The following PPP2R5C variants were observed in gnomAD, a reference collection of about 807,000 sequenced individuals.
PPP2R5C encodes serine/threonine-protein phosphatase 2A 56 kDa regulatory subunit gamma isoform.
A neutral mutation model predicts 68.9 loss-of-function variants in PPP2R5C; 7 were observed. That is an observed-to-expected ratio of 0.10 (90% CI 0.06 to 0.19). The LOEUF (loss-of-function observed/expected upper bound fraction) is 0.19. Ranked by LOEUF, PPP2R5C falls within the 10% of genes least tolerant of loss-of-function variation. PPP2R5C has a pLI of 1.00. For synonymous variants in PPP2R5C, 210 were observed against 222.2 expected (o/e 0.95, Z 0.49); for missense variants, 348 against 641.3 (o/e 0.54, Z 4.94).
At chr14:101,849,748 G>A (rs1395989380) in intron 1 of PPP2R5C, among the ~76,000 whole-genome samples, 2 of 101,184 alleles carry the variant, frequency 2.0e-5, no homozygotes, top group Non-Finnish European at 4.5e-5. Flanking sequence ...TTGTCCCTGT[G>A]TACCTAGTTG....
chr14:101,765,153 G>C (rs1055548423), intron 2 of PPP2R5C: 1 of 702,566 alleles, frequency 1.4e-6, no homozygotes, highest in Non-Finnish European at 2.6e-6. Flanking sequence ...ATTTTTTCTA[G>C]TGCTACTGTC....
At position 101,783,733 on chromosome 14, in the gene PPP2R5C, G is replaced by C. The variant is rs148952911; in HGVS notation, c.94-2285G>C. ...CCAGCGGGGGTCAGAAGCCACGGGG[G>C]AGCCCTGTCATTGGCCTCTACCCAA... is the stretch of plus-strand genomic sequence containing the variant. On this transcript the variant is annotated intron_variant, in intron 2 of 14. Coordinates refer to the PPP2R5C transcript ENST00000328724. Among the ~76,000 whole-genome samples, 186 of 152,304 alleles carry C rather than the reference G, an allele frequency of 1.2e-3. 1 individual carries two copies. Among genetic ancestry groups the C allele is most frequent in the Non-Finnish European group, 2.1e-3 (144 of 68,022 alleles).
intron 2 of PPP2R5C, among the ~76,000 whole-genome samples, chr14:101,866,012 A>G (rs1257536970): frequency 1.3e-5 from 2 of 152,190 alleles, no homozygotes; most frequent in African/African-American, 4.8e-5. Context: ...CTCCTGCCTC[A>G]GCCTCCCAAG....
chr14:101,809,384 C>A (rs888027811), upstream of PPP2R5C, among the ~76,000 whole-genome samples: 2 of 149,082 alleles, frequency 1.3e-5, no homozygotes, highest in Admixed American at 6.7e-5. Flanking sequence ...ATTTGCTTAA[C>A]CATTTGTTAA....
At position 101,891,238 on chromosome 14, in the gene PPP2R5C, TGGA is replaced by T. The variant is rs1360702343; in HGVS notation, c.689+944_689+946del. 6.6e-6 allele frequency among the ~76,000 whole-genome samples: 1 copy of T among 152,054 alleles called. No homozygotes were observed. ...GTTCCGGGTTCTCAGGAGCCTGTGGTGGAGAAGTCTGGCACTCTGGATGGATCT... is the reference window on the plus strand; with the variant it reads ...GTTCCGGGTTCTCAGGAGCCTGTGGTGAAGTCTGGCACTCTGGATGGATCT... On this transcript the variant is annotated intron_variant, in intron 6 of 13. Transcript: ENST00000334743. The surrounding 1 kb of genome is among the most constrained non-coding windows in gnomAD (Gnocchi z 4.9).
Position 101,899,512 on chromosome 14 carries a change from C to A in PPP2R5C, c.853-2207C>A, listed in dbSNP as rs974593875. On this transcript the variant is annotated intron_variant, in intron 8 of 13. Transcript: ENST00000334743. This position sits in a 1 kb window ranked among gnomAD's most constrained non-coding sequence, Gnocchi z 4.2. ...ACTGACGCAGCAAAATAGCTGATACCGATCACAGCTCATTCCAAACAATGT... is the reference window on the plus strand; with the variant it reads ...ACTGACGCAGCAAAATAGCTGATACAGATCACAGCTCATTCCAAACAATGT... 6.6e-6 allele frequency among the ~76,000 whole-genome samples: 1 copy of A among 152,356 alleles called. No individual in the cohort carries two copies. Among genetic ancestry groups the A allele is most frequent in the East Asian group, 1.9e-4 (1 of 5,190 alleles).
intron 5 of PPP2R5C, among the ~76,000 whole-genome samples, chr14:101,885,254 G>A (rs748748546): frequency 6.6e-6 from 1 of 152,340 alleles, no homozygotes; most frequent in East Asian, 1.9e-4. Flanking sequence ...AAGAAAAGGG[G>A]CATCTGAGAC....
chr14:101,904,531 T>G (rs1316188959), intron 9 of PPP2R5C, among the ~76,000 whole-genome samples: 1 of 152,194 alleles, frequency 6.6e-6, no homozygotes, highest in African/African-American at 2.4e-5. Flanking sequence ...TTGTGCCTTG[T>G]TTTGAATCCA....
chr14:101,847,714 G>A (rs1416165750), intron 1 of PPP2R5C, among the ~76,000 whole-genome samples: 2 of 149,436 alleles, frequency 1.3e-5, no homozygotes, highest in Non-Finnish European at 3.0e-5. Flanking sequence ...CGAGGCTGGA[G>A]TGTGGTGGCG....
intron 1 of PPP2R5C, 110 bp downstream of exon 1, chr14:101,762,030 C>T: frequency 3.8e-6 from 4 of 1,063,018 alleles, no homozygotes; most frequent in Admixed American, 5.3e-5. Context: ...CCCCGCCTGA[C>T]GCCGCGGGCT....
chr14:101,817,715 A>G (rs2039809607), intron 1 of PPP2R5C, among the ~76,000 whole-genome samples: 1 of 121,414 alleles, frequency 8.2e-6, no homozygotes, highest in South Asian at 2.9e-4. Flanking sequence ...CACCCCAGGC[A>G]AGCTGAACTG....
At chr14:101,927,355 A>G (rs1017611062) in exon 14 of PPP2R5C, 1 of 152,648 alleles carries the variant, frequency 6.6e-6, no homozygotes, top group Non-Finnish European at 1.5e-5. Flanking sequence ...TTCTTTGGCA[A>G]GAGTATTACT....
intron 1 of PPP2R5C, among the ~76,000 whole-genome samples, chr14:101,762,270 G>C (rs893130105): frequency 1.3e-5 from 2 of 152,114 alleles, no homozygotes; most frequent in African/African-American, 4.8e-5. Context: ...GGGCAGGTGC[G>C]GCCGCCGAGG....
chr14:101,882,056 TAC>T lies in PPP2R5C; in HGVS notation c.295-104_295-103del. 1 of 917,668 alleles carries T rather than the reference TAC, an allele frequency of 1.1e-6. No individual in the cohort carries two copies. The highest frequency in any genetic ancestry group is 1.6e-6 in the Non-Finnish European group (1 of 630,852). The allele number at this position is 917,668 out of a possible 1,614,324, so 56.8% of individuals were successfully genotyped here. ...TTTTGAGGATACGGAGGAGCTAAGT[TAC>T]CATGGGAAGCGGCTACTGTTAGAAT... On this transcript the variant is annotated intron_variant, in intron 2 of 13. Transcript: ENST00000334743. The surrounding 1 kb of genome is among the most constrained non-coding windows in gnomAD (Gnocchi z 4.9).
At chr14:101,862,982 C>T (rs1746584) in intron 2 of PPP2R5C, among the ~76,000 whole-genome samples, 25,609 of 151,902 alleles carry the variant, frequency 0.17, 3,060 homozygotes, top group African/African-American at 0.34. Flanking sequence ...TGCAAGTGTG[C>T]GCCACCACAA....
At chr14:101,914,034 A>G in intron 12 of PPP2R5C, 1 of 380,644 alleles carries the variant, frequency 2.6e-6, no homozygotes, top group Non-Finnish European at 5.2e-6. Flanking sequence ...TCACTACTGC[A>G]CATACTGTAC....
At chr14:101,895,269 A>G (rs2045240745) in intron 8 of PPP2R5C, among the ~76,000 whole-genome samples, 1 of 152,216 alleles carries the variant, frequency 6.6e-6, no homozygotes, top group African/African-American at 2.4e-5. Flanking sequence ...AAAGAGTACA[A>G]TTCAAAAATT....
At chr14:101,832,423 G>A (rs957147382) in intron 1 of PPP2R5C, among the ~76,000 whole-genome samples, 2 of 152,028 alleles carry the variant, frequency 1.3e-5, no homozygotes, top group African/African-American at 4.8e-5. Flanking sequence ...CTTAGGACAG[G>A]GCTTAGTAAA....
intron 2 of PPP2R5C, among the ~76,000 whole-genome samples, chr14:101,871,228 T>TTGTTTTTG (rs2043391405): frequency 8.5e-6 from 1 of 117,574 alleles, no homozygotes; most frequent in African/African-American, 3.8e-5. Flanking sequence ...TGTTTTGGTT[T>TTGTTTTTG]TTGTTGTTGT....
Sources: gnomAD v4.1 joint callset for allele counts (sites outside exome capture counted in the v4.1 genomes callset) on GRCh38, gnomAD v4.1.1 for gene constraint, Gnocchi (gnomAD v3.1) non-coding constraint, MANE v1.5 for transcripts, NCBI Gene and HGNC (gene_info 2026-07-23, HGNC 2026-07-21) for gene names.